Variants in ADAM2 observed in about 807,000 individuals in gnomAD.
The protein encoded by ADAM2 is ADAM metallopeptidase domain 2.
In ADAM2, 101 loss-of-function variants were observed where a neutral mutation model predicts 99.3. That is an observed-to-expected ratio of 1.02 (90% CI 0.87 to 1.20). The LOEUF is 1.20. Ranked by LOEUF, ADAM2 falls within the 50% of genes most tolerant of loss-of-function variation. The probability of loss-of-function intolerance (pLI) is 0.00; values close to 1 mark genes in which losing one functional copy is unlikely to be tolerated. For missense variants in ADAM2, 948 were observed against 878.7 expected (o/e 1.08, Z -1.00); for synonymous variants, 323 against 287.6 (o/e 1.12, Z -1.25).
At position 39,744,822 on chromosome 8, in the gene ADAM2, A is replaced by C; in HGVS notation, c.*30+8T>G. 1 of 1,556,368 alleles carries C rather than the reference A, an allele frequency of 6.4e-7. No homozygotes were observed. The highest frequency in any genetic ancestry group is 8.7e-7 in the Non-Finnish European group (1 of 1,148,824). Reference sequence around the variant, plus strand: ...AAAATAAATTTTAAAAAAATGAAAGAAACTCACAGTGATATCATGGCATCT... The same window carrying C: ...AAAATAAATTTTAAAAAAATGAAAGCAACTCACAGTGATATCATGGCATCT... On this transcript the variant is annotated splice_region_variant and intron_variant, in intron 20 of 20. Transcript: ENST00000265708.
intron 15 of ADAM2, among the ~76,000 whole-genome samples, chr8:39,759,476 A>G (rs956874495): frequency 2.0e-5 from 3 of 152,206 alleles, no homozygotes; most frequent in African/African-American, 7.2e-5. Context: ...AAAATAGCCT[A>G]AAATTACTCA....
rs760595106 is a variant in ADAM2 at position 39,788,219 on chromosome 8, C to T, written c.675G>A (p.Leu225=). The T allele has an allele frequency of 1.9e-6, 3 of 1,550,506 alleles. No individual in the cohort carries two copies. The highest frequency in any genetic ancestry group is 2.3e-5 in the East Asian group (1 of 42,590). The change falls in exon 9 of 21, where the codon CTG becomes CTA. Residue 225 remains leucine, a synonymous_variant. Transcript: ENST00000265708. The stretch of plus-strand genomic sequence containing the variant: ...CATCTATCCAAAGCTCCAATGAAGA[C>T]AGAATAATTGTAATATTAAATGAAA... ...IFVSFNITII[L]SSLELWIDEN...
At position 39,746,752 on chromosome 8, in the gene ADAM2, A is replaced by G. The variant is rs1273900332; in HGVS notation, c.2015-121T>C. On this transcript the variant is annotated intron_variant, in intron 18 of 20. Coordinates refer to ENST00000265708, the MANE Select transcript of ADAM2 (RefSeq NM_001464.5). Reference sequence around the variant, plus strand: ...GAACAATTTAATAATTTAAAAATTAACATATTTTCTATGAAATAGATAACT... The same window carrying G: ...GAACAATTTAATAATTTAAAAATTAGCATATTTTCTATGAAATAGATAACT... 6.3e-6 allele frequency: 5 copies of G among 793,656 alleles called. No homozygotes were observed. In the Middle Eastern group the frequency reaches 1.8e-3, roughly 292 times the overall value. 49.2% of individuals were successfully genotyped at this position (793,656 alleles called of 1,614,324 possible). A position where few individuals can be genotyped will look rare whatever the true frequency, so the allele number is the denominator to read the frequency against.
rs1014856247 is a variant in ADAM2, at chr8:39,837,681, G to A, written c.55+450C>T. 3.3e-5 allele frequency among the ~76,000 whole-genome samples: 5 copies of A among 152,030 alleles called. No homozygotes were observed. In the East Asian group the frequency reaches 5.8e-4, roughly 18 times the overall value. ...ATTACAGGCATGAGCCACCGTGCCC[G>A]GCCATATTTTTTTAAAAAAGAAGTA... On this transcript the variant is annotated intron_variant, in intron 1 of 20. Transcript: ENST00000265708.
chr8:39,749,849 G>C (rs976416487), intron 16 of ADAM2, 105 bp from the exon 17 acceptor site: 12 of 769,008 alleles, frequency 1.6e-5, no homozygotes, highest in East Asian at 5.5e-5. Context: ...TAATAAAAAG[G>C]GTATTGATTT....
chr8:39,744,734 T>A, intron 20 of ADAM2, 96 bp downstream of exon 20: 1 of 737,784 alleles, frequency 1.4e-6, no homozygotes, highest in Non-Finnish European at 2.2e-6. Context: ...CAAACCACCA[T>A]GGCACATGTA....
chr8:39,834,054 G>A, intron 2 of ADAM2, 55 bp from the exon 3 acceptor site: 1 of 932,058 alleles, frequency 1.1e-6, no homozygotes, highest in Non-Finnish European at 1.7e-6. Context: ...TGTTAGAAGG[G>A]ATAACCATCA....
At chr8:39,771,634 C>A (rs1802783334) in intron 11 of ADAM2, among the ~76,000 whole-genome samples, 1 of 152,054 alleles carries the variant, frequency 6.6e-6, no homozygotes, top group African/African-American at 2.4e-5. Flanking sequence ...AAATGTTATT[C>A]ACTCGAAGAC....
intron 7 of ADAM2, among the ~76,000 whole-genome samples, chr8:39,799,960 G>A (rs1804132987): frequency 2.0e-5 from 3 of 152,174 alleles, no homozygotes; most frequent in Admixed American, 2.0e-4. Flanking sequence ...GCACACCAAT[G>A]AGTCCTGACT....
In ADAM2 at chr8:39,837,248, C is replaced by A. The variant is rs79478086; in HGVS notation, c.56-36G>T. On this transcript the variant is annotated intron_variant, in intron 1 of 20. Transcript: ENST00000265708. ...TGCAAAATGTTTTATTAGAACAATG[C>A]CCATCATTTCAGAGCGTGTTTTATG... 4.8e-3 allele frequency: 6,896 copies of A among 1,449,062 alleles called. 272 individuals are homozygous for A. The African/African-American group carries it at 0.085, about 18-fold the overall frequency. 89.8% of individuals were successfully genotyped at this position (1,449,062 alleles called of 1,614,324 possible). A position where few individuals can be genotyped will look rare whatever the true frequency, so the allele number is the denominator to read the frequency against.
chr8:39,802,210 CTTGG>C (rs1804244828), intron 7 of ADAM2, among the ~76,000 whole-genome samples: 1 of 152,150 alleles, frequency 6.6e-6, no homozygotes. Flanking sequence ...CACTGCCTCC[CTTGG>C]CTGGGGGGAG....
At chr8:39,783,677 C>A (rs1803327803) in intron 10 of ADAM2, among the ~76,000 whole-genome samples, 1 of 152,108 alleles carries the variant, frequency 6.6e-6, no homozygotes, top group African/African-American at 2.4e-5. Flanking sequence ...TAAGGCCAGG[C>A]ACAGTGGCTC....
intron 10 of ADAM2, among the ~76,000 whole-genome samples, chr8:39,778,766 A>G (rs148218480): frequency 6.6e-6 from 1 of 152,118 alleles, no homozygotes; most frequent in East Asian, 1.9e-4. Context: ...ATGATTCTAC[A>G]GGGAATAAAT....
intron 10 of ADAM2, among the ~76,000 whole-genome samples, chr8:39,781,707 T>A (rs1803237334): frequency 6.6e-6 from 1 of 152,158 alleles, no homozygotes; most frequent in African/African-American, 2.4e-5. Flanking sequence ...AATCAAACAG[T>A]TTTGTTGAAA....
chr8:39,786,856 A>G (rs1465280657), intron 10 of ADAM2, 118 bp downstream of exon 10: 2 of 702,092 alleles, frequency 2.8e-6, no homozygotes, highest in East Asian at 3.2e-5. Context: ...TCTGTCAGCA[A>G]CAGTGACAAA....
chr8:39,792,471 C>T (rs895356962), intron 7 of ADAM2, among the ~76,000 whole-genome samples: 6 of 151,956 alleles, frequency 3.9e-5, no homozygotes, highest in Admixed American at 3.3e-4. Flanking sequence ...ACTGATGAAA[C>T]CCCTATTGTC....
chr8:39,761,358 T>A, intron 14 of ADAM2, 77 bp from the exon 15 acceptor site: 1 of 746,590 alleles, frequency 1.3e-6, no homozygotes, highest in Non-Finnish European at 2.1e-6. Context: ...CTTAAAATTC[T>A]GAAAGGGTTT....
intron 4 of ADAM2, among the ~76,000 whole-genome samples, chr8:39,822,497 C>G (rs541541768): frequency 6.2e-5 from 9 of 145,632 alleles, no homozygotes; most frequent in Non-Finnish European, 1.2e-4. Context: ...TTATTTTTAT[C>G]AGTCAGTTTT....
At chr8:39,763,076 G>A (rs916165396) in intron 14 of ADAM2, among the ~76,000 whole-genome samples, 10 of 152,162 alleles carry the variant, frequency 6.6e-5, no homozygotes, top group African/African-American at 2.4e-4. Context: ...CTCCGTTGGA[G>A]CTCTGTGAAA....
Sources: allele counts gnomAD v4.1 joint callset (sites outside exome capture counted in the v4.1 genomes callset), GRCh38; gene constraint gnomAD v4.1.1; transcripts MANE v1.5; gene names NCBI Gene and HGNC (gene_info 2026-07-23, HGNC 2026-07-21).